Variants in GSK3B observed in about 807,000 individuals in gnomAD.
The protein encoded by GSK3B is glycogen synthase kinase 3 beta.
GSK3B carries 15 observed loss-of-function variants against 56.4 expected under a neutral mutation model. The observed-to-expected ratio is 0.27, with a 90% CI of 0.18 to 0.41. The LOEUF is 0.41. Ranked by LOEUF, GSK3B falls within the 10% of genes least tolerant of loss-of-function variation. GSK3B has a pLI of 1.00. For missense variants in GSK3B, 300 were observed against 513.4 expected (o/e 0.58, Z 4.02); for synonymous variants, 181 against 188.9 (o/e 0.96, Z 0.34).
At chr3:119,948,570 ATAAC>A (rs1049024951) in intron 2 of GSK3B, among the ~76,000 whole-genome samples, 1 of 152,238 alleles carries the variant, frequency 6.6e-6, no homozygotes, top group East Asian at 1.9e-4. Context: ...ACTTTAACAA[ATAAC>A]TAACAAAAGA....
intron 2 of GSK3B, among the ~76,000 whole-genome samples, chr3:119,978,294 G>A (rs1022931184): frequency 2.8e-4 from 43 of 151,114 alleles, no homozygotes; most frequent in Admixed American, 2.5e-3. Context: ...CTCCCAAAGA[G>A]ATTCCAACCC....
At chr3:119,863,721 A>G (rs551461701) in intron 8 of GSK3B, 116 bp from the exon 9 acceptor site, 65 of 653,082 alleles carry the variant, frequency 1.0e-4, no homozygotes, top group Non-Finnish European at 1.7e-4. Flanking sequence ...TGCATTTGGG[A>G]AAGGACCTTC....
chr3:119,836,601 CT>C (rs533276225), intron 10 of GSK3B, among the ~76,000 whole-genome samples: 10 of 150,810 alleles, frequency 6.6e-5, no homozygotes, highest in South Asian at 2.1e-4. Context: ...GATATGGTTA[CT>C]TTTTTTTTAA....
At chr3:120,019,575 ATTTCTTT>A (rs1208149853) in intron 1 of GSK3B, among the ~76,000 whole-genome samples, 1 of 152,204 alleles carries the variant, frequency 6.6e-6, no homozygotes, top group Non-Finnish European at 1.5e-5. Flanking sequence ...TGAGGAAACA[ATTTCTTT>A]TCTACCATTT....
rs537035720 is a variant in GSK3B at position 120,007,665 on chromosome 3, A to C, written c.89-5426T>G. Among the ~76,000 whole-genome samples the C allele has an allele frequency of 1.3e-4, 20 of 152,320 alleles. No individual in the cohort carries two copies. The East Asian group carries it at 3.7e-3, about 28-fold the overall frequency. ...CACATAAACAGAACCAATGACAAAA[A>C]CCACATGATTATCTCAATAGATGCA... On this transcript the variant is annotated intron_variant, in intron 1 of 10. Transcript: ENST00000264235.
chr3:119,856,065 T>C (rs2056019342), intron 9 of GSK3B, among the ~76,000 whole-genome samples: 1 of 152,246 alleles, frequency 6.6e-6, no homozygotes, highest in Non-Finnish European at 1.5e-5. Context: ...AATCCTATTG[T>C]GGTCTACATT....
At chr3:120,055,739 C>T (rs2058186660) in intron 1 of GSK3B, among the ~76,000 whole-genome samples, 2 of 152,106 alleles carry the variant, frequency 1.3e-5, no homozygotes, top group Admixed American at 1.3e-4. Flanking sequence ...CTGTTTCATC[C>T]TAGTCAGTCA....
At chr3:120,020,651 A>C (rs925787079) in intron 1 of GSK3B, among the ~76,000 whole-genome samples, 1 of 152,126 alleles carries the variant, frequency 6.6e-6, no homozygotes, top group Non-Finnish European at 1.5e-5. Flanking sequence ...ACGATATTGA[A>C]ATTAGGCCAA....
intron 1 of GSK3B, among the ~76,000 whole-genome samples, chr3:120,009,709 G>A (rs2057762531): frequency 6.6e-6 from 1 of 152,034 alleles, no homozygotes; most frequent in Admixed American, 6.6e-5. Flanking sequence ...GGCTAGGGGA[G>A]ACATAACATT....
At chr3:119,846,442 G>GA (rs1294290714) in intron 9 of GSK3B, among the ~76,000 whole-genome samples, 1 of 152,034 alleles carries the variant, frequency 6.6e-6, no homozygotes, top group East Asian at 1.9e-4. Flanking sequence ...AAATTTACAA[G>GA]AAAAAAACAA....
At chr3:119,895,418 A>C (rs1481968107) in intron 7 of GSK3B, among the ~76,000 whole-genome samples, 1 of 110,874 alleles carries the variant, frequency 9.0e-6, no homozygotes, top group Non-Finnish European at 1.7e-5. Flanking sequence ...ACTGACTTCA[A>C]GTCTTCAGGA....
intron 10 of GSK3B, among the ~76,000 whole-genome samples, chr3:119,835,868 G>C (rs984034501): frequency 1.3e-5 from 2 of 152,286 alleles, no homozygotes; most frequent in Non-Finnish European, 1.5e-5. Context: ...AATAATATTA[G>C]TAGTACCTGG....
At chr3:119,871,112 A>G (rs909171576) in intron 8 of GSK3B, among the ~76,000 whole-genome samples, 3 of 152,210 alleles carry the variant, frequency 2.0e-5, no homozygotes, top group Non-Finnish European at 4.4e-5. Context: ...ATTATGGACA[A>G]AGTCTTAAAA....
intron 1 of GSK3B, among the ~76,000 whole-genome samples, chr3:120,034,147 T>C (rs1175847246): frequency 6.6e-6 from 1 of 152,186 alleles, no homozygotes; most frequent in Non-Finnish European, 1.5e-5. Flanking sequence ...TTATCAGATA[T>C]AATTTGCAAG....
intron 3 of GSK3B, among the ~76,000 whole-genome samples, chr3:119,933,029 T>G (rs1576210341): frequency 6.6e-6 from 1 of 151,876 alleles, no homozygotes; most frequent in African/African-American, 2.4e-5. Flanking sequence ...ACCCCGGAGG[T>G]GGAGGTTGCA....
At chr3:119,873,970 C>T (rs1260623955) in intron 8 of GSK3B, among the ~76,000 whole-genome samples, 1 of 151,960 alleles carries the variant, frequency 6.6e-6, no homozygotes, top group Non-Finnish European at 1.5e-5. Flanking sequence ...GAATGGAAAC[C>T]TAAATAAATG....
intron 1 of GSK3B, among the ~76,000 whole-genome samples, chr3:120,067,887 CTT>C (rs2058293159): frequency 6.6e-6 from 1 of 152,022 alleles, no homozygotes; most frequent in African/African-American, 2.4e-5. Flanking sequence ...TGTTTTGAAT[CTT>C]TAGTAAAAAA....
chr3:119,856,537 G>A (rs1023519577), intron 9 of GSK3B, among the ~76,000 whole-genome samples: 1 of 152,090 alleles, frequency 6.6e-6, no homozygotes, highest in Non-Finnish European at 1.5e-5. Flanking sequence ...CTAAAATCTT[G>A]AATACAGTCA....
In GSK3B at chr3:119,826,786, G is replaced by C. The variant is rs141641235; in HGVS notation, c.*2C>G. On this transcript the variant is annotated 3_prime_UTR_variant, in exon 11 of 11. Transcript: ENST00000264235. ...CCTGTGCAGCTGGCTGCTCGGGACT[G>C]TTCAGGTGGAGTTGGAAGCTGATGC... 6.2e-7 allele frequency: 1 copy of C among 1,606,022 alleles called. No individual in the cohort carries two copies. The highest frequency in any genetic ancestry group is 8.5e-7 in the Non-Finnish European group (1 of 1,172,688).
Sources: allele counts gnomAD v4.1 joint callset (sites outside exome capture counted in the v4.1 genomes callset), GRCh38; gene constraint gnomAD v4.1.1; transcripts MANE v1.5; gene names NCBI Gene and HGNC (gene_info 2026-07-23, HGNC 2026-07-21).